Variants in MYLK4 observed in about 807,000 individuals in gnomAD.
MYLK4 encodes the protein myosin light chain kinase family member 4, also known as caMLCK like.
A neutral mutation model predicts 48.1 loss-of-function variants in MYLK4; 46 were observed. That is an observed-to-expected ratio of 0.96 (90% CI 0.75 to 1.22). The LOEUF is 1.22. MYLK4 is among the 50% of genes most tolerant of loss of function. The probability of loss-of-function intolerance (pLI) is 0.00; values close to 1 mark genes in which losing one functional copy is unlikely to be tolerated. For missense variants in MYLK4, 451 were observed against 486.1 expected (o/e 0.93, Z 0.68); for synonymous variants, 170 against 180.8 (o/e 0.94, Z 0.48).
At chr6:2,686,302 A>G (rs1416157007) in intron 4 of MYLK4, among the ~76,000 whole-genome samples, 2 of 152,244 alleles carry the variant, frequency 1.3e-5, no homozygotes, top group African/African-American at 2.4e-5. Flanking sequence ...CAGCATATGA[A>G]CAAGAGAGCC....
chr6:2,715,199 G>T (rs1382029766), intron 2 of MYLK4, among the ~76,000 whole-genome samples: 2 of 151,806 alleles, frequency 1.3e-5, no homozygotes, highest in Non-Finnish European at 2.9e-5. Flanking sequence ...GGCGGAGGTT[G>T]CGGTAAGCTG....
At position 2,689,989 on chromosome 6, in the gene MYLK4, CTG is replaced by C. The variant is rs1761710786; in HGVS notation, c.236-1035_236-1034del. Among the ~76,000 whole-genome samples the C allele has an allele frequency of 2.0e-5, 3 of 152,272 alleles. No individual in the cohort carries two copies. In the South Asian group the frequency reaches 6.2e-4, roughly 32 times the overall value. ...CAGAGAAGCATCTTGATAACATTCACTGTTTCAGATTAATAGAGGGAGTTAAA... is the reference window on the plus strand; with the variant it reads ...CAGAGAAGCATCTTGATAACATTCACTTTCAGATTAATAGAGGGAGTTAAA... On this transcript the variant is annotated intron_variant, in intron 3 of 12. Coordinates refer to ENST00000274643, the MANE Select transcript of MYLK4 (RefSeq NM_001012418.5).
the MYLK4 span, among the ~76,000 whole-genome samples, chr6:2,757,395 T>G: frequency 6.6e-6 from 1 of 152,152 alleles, no homozygotes; most frequent in Admixed American, 6.5e-5. Flanking sequence ...CTTGTATACT[T>G]CTGGTTAAAA....
chr6:2,671,844 C>G (rs2113084132), intron 11 of MYLK4, among the ~76,000 whole-genome samples: 1 of 152,318 alleles, frequency 6.6e-6, no homozygotes, highest in African/African-American at 2.4e-5. Context: ...GCATTTAATA[C>G]AGGCCTTAGA....
rs186961872 is a variant in MYLK4 at position 2,718,343 on chromosome 6, C to A, written c.160-25484G>T. Among the ~76,000 whole-genome samples the A allele has an allele frequency of 1.8e-3, 275 of 152,290 alleles. 1 individual carries two copies. Among genetic ancestry groups the A allele is most frequent in the African/African-American group, 6.2e-3 (259 of 41,550 alleles). On this transcript the variant is annotated intron_variant, in intron 2 of 12. Transcript: ENST00000274643. ...GAGTGAGTCATAGATTGCTAGTAGC[C>A]TAGCCAATATCCTTCTCCCTTCTTC...
rs1761152833 is a variant in MYLK4 at position 2,678,203 on chromosome 6, G to A, written c.1040+17C>T. On this transcript the variant is annotated intron_variant, in intron 10 of 12. Coordinates refer to ENST00000274643, the MANE Select transcript of MYLK4 (RefSeq NM_001012418.5). ...TCATCCCTACTGCGCCCGGAGCACA[G>A]GACGAACTTGCGTTACCTCTTCTCC... 1 of 1,612,440 alleles carries A rather than the reference G, an allele frequency of 6.2e-7. No homozygotes were observed.
chr6:2,722,930 G>A (rs1365773880), intron 2 of MYLK4, among the ~76,000 whole-genome samples: 1 of 152,064 alleles, frequency 6.6e-6, no homozygotes, highest in Non-Finnish European at 1.5e-5. Flanking sequence ...AGAACCTATT[G>A]TATCACCTTA....
chr6:2,727,868 A>G (rs1350842698), intron 2 of MYLK4, among the ~76,000 whole-genome samples: 1 of 147,660 alleles, frequency 6.8e-6, no homozygotes. Context: ...AATCGCTTGA[A>G]CCCGGGAGGC....
chr6:2,769,377 G>A, the MYLK4 span, among the ~76,000 whole-genome samples: 1 of 151,890 alleles, frequency 6.6e-6, no homozygotes, highest in Non-Finnish European at 1.5e-5. Flanking sequence ...AAGGACACAA[G>A]CTATTTTTAT....
At chr6:2,704,439 C>CTA (rs1762414041) in intron 2 of MYLK4, among the ~76,000 whole-genome samples, 1 of 152,214 alleles carries the variant, frequency 6.6e-6, no homozygotes, top group Admixed American at 6.5e-5. Flanking sequence ...ATCTGAAACT[C>CTA]TATCCTCAGT....
At chr6:2,758,255 T>C in the MYLK4 span, among the ~76,000 whole-genome samples, 18 of 152,166 alleles carry the variant, frequency 1.2e-4, 1 homozygote, top group Admixed American at 9.8e-4. Flanking sequence ...GTAACATCAC[T>C]TACTGTTATT....
chr6:2,754,158 ATTC>A (rs1197167928), upstream of MYLK4, among the ~76,000 whole-genome samples: 1 of 152,218 alleles, frequency 6.6e-6, no homozygotes, highest in African/African-American at 2.4e-5. Context: ...TGACCTAGAA[ATTC>A]TTCTCCTAGG....
chr6:2,766,042 G>A, the MYLK4 span: 11 of 1,301,426 alleles, frequency 8.5e-6, no homozygotes, highest in Non-Finnish European at 9.7e-6. Context: ...AGGGGTCGGG[G>A]AAGAGGCCGG....
the MYLK4 span, chr6:2,766,542 C>T: frequency 9.2e-6 from 13 of 1,412,158 alleles, no homozygotes; most frequent in South Asian, 6.1e-5. Flanking sequence ...AAAGAAGCCG[C>T]CTGCCTCTCC....
chr6:2,766,343 G>C, the MYLK4 span: 1 of 1,610,620 alleles, frequency 6.2e-7, no homozygotes, highest in Non-Finnish European at 8.5e-7. Flanking sequence ...GGATTACTTC[G>C]GGCAGAGCAA....
intron 2 of MYLK4, among the ~76,000 whole-genome samples, chr6:2,720,182 A>T (rs1309873787): frequency 3.3e-5 from 5 of 152,102 alleles, no homozygotes; most frequent in Non-Finnish European, 5.9e-5. Flanking sequence ...AGGCGGGTAG[A>T]TCACGAGGTC....
At chr6:2,752,571 G>A (rs1324089947), upstream of MYLK4, among the ~76,000 whole-genome samples, 1 of 152,068 alleles carries the variant, frequency 6.6e-6, no homozygotes, top group African/African-American at 2.4e-5. Context: ...TAACTGAGAT[G>A]GAGACGGCTG....
At chr6:2,669,144 T>A (rs1760780786) in intron 12 of MYLK4, among the ~76,000 whole-genome samples, 1 of 152,174 alleles carries the variant, frequency 6.6e-6, no homozygotes, top group Non-Finnish European at 1.5e-5. Flanking sequence ...AAATGATTCT[T>A]CCTTGGCCTG....
At chr6:2,742,341 C>T (rs1387193075) in intron 2 of MYLK4, among the ~76,000 whole-genome samples, 1 of 152,156 alleles carries the variant, frequency 6.6e-6, no homozygotes, top group Non-Finnish European at 1.5e-5. Context: ...ATAAATAAGG[C>T]ATTTGACCCA....
Sources: gnomAD v4.1 joint callset for allele counts (sites outside exome capture counted in the v4.1 genomes callset) on GRCh38, gnomAD v4.1.1 for gene constraint, MANE v1.5 for transcripts, NCBI Gene and HGNC (gene_info 2026-07-23, HGNC 2026-07-21) for gene names.